The following TCF7 variants were observed in gnomAD, a reference collection of about 807,000 sequenced individuals.
TCF7 encodes the protein transcription factor 7.
TCF7 carries 19 observed loss-of-function variants against 46.8 expected under a neutral mutation model. The ratio of observed to expected loss-of-function variants is 0.41; its 90% CI spans 0.28 to 0.60. The LOEUF (loss-of-function observed/expected upper bound fraction) is 0.60. TCF7 is among the 20% of genes least tolerant of loss of function. The pLI, the probability that TCF7 is intolerant of heterozygous loss-of-function variation, is 0.35. For synonymous variants in TCF7, 245 were observed against 213.4 expected (o/e 1.15, Z -1.29); for missense variants, 547 against 504.6 (o/e 1.08, Z -0.81).
At chr5:134,133,772 G>A (rs1758473109) in intron 3 of TCF7, among the ~76,000 whole-genome samples, 2 of 152,158 alleles carry the variant, frequency 1.3e-5, no homozygotes, top group Non-Finnish European at 2.9e-5. Context: ...CACTTCTCCT[G>A]TGGTCTGACA....
Position 134,146,556 on chromosome 5 carries a change from A to T in TCF7, c.*253A>T. On this transcript the variant is annotated 3_prime_UTR_variant, in exon 10 of 10. Coordinates refer to ENST00000342854, the MANE Select transcript of TCF7 (RefSeq NM_003202.5). ...GACACCTGGCCGCCTCCAGGAGCCT[A>T]CCCCCTGAAAGTGACAGAGACCCAG... 1.4e-6 allele frequency: 1 copy of T among 711,572 alleles called. No individual in the cohort carries two copies. The highest frequency in any genetic ancestry group is 2.1e-5 in the Admixed American group (1 of 46,726). 44.1% of individuals were successfully genotyped at this position (711,572 alleles called of 1,614,324 possible). A position where few individuals can be genotyped will look rare whatever the true frequency, so the allele number is the denominator to read the frequency against.
chr5:134,110,978 A>ATATCTCGTTCAAGAGCACCCAT (rs1755322338), upstream of TCF7, among the ~76,000 whole-genome samples: 1 of 152,244 alleles, frequency 6.6e-6, no homozygotes, highest in Admixed American at 6.5e-5. Flanking sequence ...CTTCCGAAAA[A>ATATCTCGTTCAAGAGCACCCAT]TATCTCGTTC....
rs750914066 is a variant in TCF7 at position 134,143,031 on chromosome 5, T to C, written c.957T>C (p.Tyr319=). Reference sequence around the variant, plus strand: ...CGCGAGAAGAGCAGGCCAAGTACTATGAGCTGGCCCGCAAGGAGAGGCAGC... The same window carrying C: ...CGCGAGAAGAGCAGGCCAAGTACTACGAGCTGGCCCGCAAGGAGAGGCAGC... ...ALSREEQAKY[Y]ELARKERQLH... The change falls in exon 8 of 10, where the codon TAT becomes TAC. Residue 319 remains tyrosine (Y), a synonymous_variant. Transcript: ENST00000342854. 1.4e-5 allele frequency: 23 copies of C among 1,612,650 alleles called. 1 individual carries two copies. In the South Asian group the frequency reaches 2.2e-4, roughly 15 times the overall value.
chr5:134,118,749 A>G (rs1433110067), intron 3 of TCF7, among the ~76,000 whole-genome samples: 2 of 152,166 alleles, frequency 1.3e-5, no homozygotes, highest in Non-Finnish European at 2.9e-5. Context: ...GGCCTAGACC[A>G]GTAACCAGGG....
intron 3 of TCF7, among the ~76,000 whole-genome samples, chr5:134,130,769 C>T (rs1383786208): frequency 6.6e-6 from 1 of 152,192 alleles, no homozygotes; most frequent in Non-Finnish European, 1.5e-5. Flanking sequence ...CAGCCCCAGC[C>T]AGGGTGCCTT....
intron 3 of TCF7, among the ~76,000 whole-genome samples, chr5:134,126,998 G>A (rs1241346794): frequency 1.3e-5 from 2 of 152,176 alleles, no homozygotes; most frequent in Non-Finnish European, 2.9e-5. Context: ...TAAGGAATGC[G>A]CTGATACCTG....
upstream of TCF7, among the ~76,000 whole-genome samples, chr5:134,111,987 T>C (rs1247858651): frequency 2.6e-5 from 4 of 152,226 alleles, no homozygotes; most frequent in African/African-American, 7.2e-5. Flanking sequence ...TGTGAAGCTC[T>C]TGACAGGATG....
intron 9 of TCF7, chr5:134,145,130 C>T (rs941498600): frequency 3.1e-6 from 2 of 644,952 alleles, no homozygotes; most frequent in Non-Finnish European, 2.9e-6. Flanking sequence ...AAGAAGGCAG[C>T]TCTGATGCCA....
intron 3 of TCF7, among the ~76,000 whole-genome samples, chr5:134,128,131 C>T (rs921477350): frequency 2.6e-5 from 4 of 152,196 alleles, no homozygotes; most frequent in Admixed American, 2.0e-4. Flanking sequence ...TGGCCGCGCA[C>T]GTGTGTTGCA....
upstream of TCF7, among the ~76,000 whole-genome samples, chr5:134,114,352 TG>T (rs1755500059): frequency 2.0e-5 from 3 of 152,044 alleles, no homozygotes; most frequent in African/African-American, 7.2e-5. Context: ...ACGGCTGCGA[TG>T]GTAAGCCACG....
chr5:134,125,727 G>A (rs1285993933), intron 3 of TCF7, among the ~76,000 whole-genome samples: 1 of 152,246 alleles, frequency 6.6e-6, no homozygotes, highest in Non-Finnish European at 1.5e-5. Flanking sequence ...TGCTAGTCTG[G>A]TGTTTACTTG....
chr5:134,136,485 A>G (rs1758877064), intron 3 of TCF7, among the ~76,000 whole-genome samples: 1 of 151,930 alleles, frequency 6.6e-6, no homozygotes, highest in Non-Finnish European at 1.5e-5. Context: ...ACCTGAGGGG[A>G]AGGGTGAAGG....
chr5:134,123,654 A>G, intron 3 of TCF7: 2 of 455,592 alleles, frequency 4.4e-6, no homozygotes, highest in South Asian at 3.1e-5. Flanking sequence ...ATGTGCGGTG[A>G]GACTGGAGAA....
Position 134,147,199 on chromosome 5 carries a change from G to C in TCF7, c.*896G>C, listed in dbSNP as rs1760809844. ...ACTACCTTATCAGGCAAATTGGGGA[G>C]GGGAGGGTGTATCTAGCTCTAGTTC... On this transcript the variant is annotated 3_prime_UTR_variant, in exon 10 of 10. Transcript: ENST00000342854. 6.6e-6 allele frequency: 1 copy of C among 152,282 alleles called. No individual in the cohort carries two copies. The highest frequency in any genetic ancestry group is 2.4e-5 in the African/African-American group (1 of 41,438). The allele number at this position is 152,282 out of a possible 1,614,324, so 9.4% of individuals were successfully genotyped here. A position where few individuals can be genotyped will look rare whatever the true frequency, so the allele number is the denominator to read the frequency against.
chr5:134,133,981 G>A (rs146374606), intron 3 of TCF7, among the ~76,000 whole-genome samples: 2,104 of 152,314 alleles, frequency 0.014, 25 homozygotes, highest in Non-Finnish European at 0.02. Context: ...TGGGGCTCAG[G>A]TGGCAAAGCT....
intron 3 of TCF7, among the ~76,000 whole-genome samples, chr5:134,131,456 A>G (rs1410727881): frequency 6.6e-6 from 1 of 152,192 alleles, no homozygotes; most frequent in African/African-American, 2.4e-5. Context: ...GAGGTAGCAC[A>G]AGGCTCAAGG....
At chr5:134,143,313 TA>T in intron 8 of TCF7, 1 of 765,866 alleles carries the variant, frequency 1.3e-6, no homozygotes. Flanking sequence ...CATGAGCTGT[TA>T]CCCAACATTT....
Position 134,142,743 on chromosome 5 carries a change from G to A in TCF7, c.778G>A (p.Ala260Thr). 6.2e-7 allele frequency: 1 copy of A among 1,614,132 alleles called. No homozygotes were observed. Among genetic ancestry groups the A allele is most frequent in the Non-Finnish European group, 8.5e-7 (1 of 1,180,010 alleles). Residue 260 changes from alanine (A) to threonine (T), a missense_variant, in exon 7 of 10, where the codon GCA becomes ACA. Ala to Thr is a moderately conservative substitution (Grantham distance 58). This residue lies in a region of TCF7 where 425 missense variants were observed against 349.9 expected (regional missense o/e 1.21). Coordinates refer to ENST00000342854, the MANE Select transcript of TCF7 (RefSeq NM_003202.5). ...CAGGAAGACACAAGCAGAGTCCAAGGCAGAGAAGGAGGCCAAGAAGCCAAC... is the reference window on the plus strand; with the variant it reads ...CAGGAAGACACAAGCAGAGTCCAAGACAGAGAAGGAGGCCAAGAAGCCAAC... ...RNLKTQAESK[A>T]EKEAKKPTIK...
At chr5:134,144,961 G>T in intron 9 of TCF7, 2 of 1,126,238 alleles carry the variant, frequency 1.8e-6, no homozygotes, top group South Asian at 2.6e-5. Flanking sequence ...CACTCCTTTG[G>T]CCCCTCAGCC....
Sources: allele counts gnomAD v4.1 joint callset (sites outside exome capture counted in the v4.1 genomes callset), GRCh38; gene constraint gnomAD v4.1.1; regional missense constraint gnomAD v4.1.1; transcripts MANE v1.5; gene names NCBI Gene and HGNC (gene_info 2026-07-23, HGNC 2026-07-21).